Variants in DENND2B observed in about 807,000 individuals in gnomAD.
DENND2B encodes the protein DENN domain-containing protein 2B.
A neutral mutation model predicts 116.0 loss-of-function variants in DENND2B; 32 were observed. The observed-to-expected ratio is 0.28, with a 90% confidence interval of 0.21 to 0.37. The LOEUF is 0.37. Among genes scored for constraint, DENND2B ranks in the 10% least tolerant of loss-of-function variants. The probability of loss-of-function intolerance (pLI) is 1.00; values close to 1 mark genes in which losing one functional copy is unlikely to be tolerated. For synonymous variants in DENND2B, 588 were observed against 583.9 expected (o/e 1.01, Z -0.10); for missense variants, 1,276 against 1,477.7 (o/e 0.86, Z 2.24).
At chr11:8,899,707 T>A (rs1028175777) in intron 1 of DENND2B, among the ~76,000 whole-genome samples, 1 of 152,124 alleles carries the variant, frequency 6.6e-6, no homozygotes, top group African/African-American at 2.4e-5. Flanking sequence ...CTGAAGGAAG[T>A]TTTTCAGGCT....
intron 1 of DENND2B, among the ~76,000 whole-genome samples, chr11:8,759,455 A>T (rs537239912): frequency 3.3e-5 from 5 of 152,284 alleles, no homozygotes; most frequent in African/African-American, 1.2e-4. Context: ...CGAGGTAAGA[A>T]GTCAAGATGC....
chr11:8,759,426 C>T (rs1218952293), intron 1 of DENND2B, among the ~76,000 whole-genome samples: 1 of 152,152 alleles, frequency 6.6e-6, no homozygotes, highest in Non-Finnish European at 1.5e-5. Context: ...AAACATTGCC[C>T]AGCACTCTGC....
intron 1 of DENND2B, among the ~76,000 whole-genome samples, chr11:8,793,491 T>C (rs1480699432): frequency 6.6e-6 from 1 of 152,266 alleles, no homozygotes; most frequent in Non-Finnish European, 1.5e-5. Flanking sequence ...TTTCAAGGTT[T>C]ATCTACATTG....
At chr11:8,752,184 G>A (rs1490117133) in intron 1 of DENND2B, among the ~76,000 whole-genome samples, 1 of 152,228 alleles carries the variant, frequency 6.6e-6, no homozygotes, top group Non-Finnish European at 1.5e-5. Flanking sequence ...CGGGCGTGGT[G>A]GCTCACGCCT....
intron 2 of DENND2B, among the ~76,000 whole-genome samples, chr11:8,861,390 AAAG>A (rs1388162147): frequency 6.6e-6 from 1 of 152,230 alleles, no homozygotes; most frequent in Admixed American, 6.5e-5. Flanking sequence ...ACATTTCTGA[AAAG>A]AAGATATACA....
At chr11:8,754,029 G>GTGCGCACACACA (rs1555169750) in intron 1 of DENND2B, among the ~76,000 whole-genome samples, 1 of 138,734 alleles carries the variant, frequency 7.2e-6, no homozygotes, top group Non-Finnish European at 1.5e-5. Flanking sequence ...CCAAAAGCGC[G>GTGCGCACACACA]CACACACACA....
chr11:8,717,422 A>G (rs1044184563), intron 5 of DENND2B, among the ~76,000 whole-genome samples: 2 of 152,190 alleles, frequency 1.3e-5, no homozygotes, highest in African/African-American at 4.8e-5. Flanking sequence ...GGAGACTGCA[A>G]GGGCTCCTGG....
intron 5 of DENND2B, among the ~76,000 whole-genome samples, chr11:8,716,284 G>C (rs1050313451): frequency 6.6e-6 from 1 of 152,154 alleles, no homozygotes; most frequent in Admixed American, 6.5e-5. Flanking sequence ...CCTCCTAACT[G>C]CTCCCATGGA....
chr11:8,788,891 A>T (rs868254676), intron 1 of DENND2B, among the ~76,000 whole-genome samples: 6 of 152,044 alleles, frequency 3.9e-5, no homozygotes, highest in Admixed American at 2.6e-4. Flanking sequence ...CCTAGAGTAT[A>T]TCAGCCACCT....
chr11:8,909,546 C>T (rs2568027), intron 1 of DENND2B, among the ~76,000 whole-genome samples: 136,499 of 152,140 alleles, frequency 0.9, 63,056 homozygotes, highest in East Asian at 1. Flanking sequence ...CATGCACGTA[C>T]AACCACTATG....
chr11:8,881,783 G>A lies in DENND2B; in HGVS notation c.-255-674C>T, dbSNP rs1416778028. ...CTTGCACTTCTGACCTCAAGTGACC[G>A]ATCCACCCACCTCAGCCTCCCAAAG... On this transcript the variant is annotated intron_variant, in intron 1 of 22. Transcript: ENST00000534127. Among the ~76,000 whole-genome samples the A allele has an allele frequency of 5.9e-5, 9 of 152,220 alleles. No individual in the cohort carries two copies. In the South Asian group the frequency reaches 8.3e-4, roughly 14 times the overall value.
At chr11:8,854,116 C>T (rs2063113957) in intron 3 of DENND2B, among the ~76,000 whole-genome samples, 1 of 148,022 alleles carries the variant, frequency 6.8e-6, no homozygotes, top group South Asian at 2.1e-4. Context: ...ATCCTCCTGC[C>T]TTGGCCTCCC....
chr11:8,809,844 C>T (rs2061230191), intron 1 of DENND2B: 1 of 151,754 alleles, frequency 6.6e-6, no homozygotes, highest in African/African-American at 2.4e-5. Flanking sequence ...CCCCCCAACC[C>T]CAAGCCAGCC....
intron 1 of DENND2B, chr11:8,809,532 C>T (rs557402316): frequency 8.7e-4 from 133 of 152,292 alleles, no homozygotes; most frequent in African/African-American, 3.0e-3. Flanking sequence ...TCATCCTCCT[C>T]ATAATATTAC....
At chr11:8,870,648 G>A (rs916551777) in intron 2 of DENND2B, among the ~76,000 whole-genome samples, 49 of 152,002 alleles carry the variant, frequency 3.2e-4, no homozygotes, top group African/African-American at 1.2e-3. Context: ...GACGTCCCGA[G>A]ATCGGGTCTC....
At chr11:8,815,492 G>A (rs1034314658), upstream of DENND2B, among the ~76,000 whole-genome samples, 3 of 152,050 alleles carry the variant, frequency 2.0e-5, no homozygotes, top group South Asian at 2.1e-4. Flanking sequence ...CAACCACAGT[G>A]CACTGCCTGG....
intron 11 of DENND2B, chr11:8,708,341 G>C (rs1473220249): frequency 1.8e-5 from 18 of 985,294 alleles, no homozygotes; most frequent in Non-Finnish European, 2.0e-5. Context: ...CATTCTAAGA[G>C]AGCAAACTGA....
At chr11:8,695,266 A>C (rs2040157290) in intron 19 of DENND2B, among the ~76,000 whole-genome samples, 197 bp downstream of exon 19, 1 of 152,160 alleles carries the variant, frequency 6.6e-6, no homozygotes. Context: ...ACAGATATTG[A>C]AGGACCACTA....
At chr11:8,834,164 C>T (rs1237614201) in intron 4 of DENND2B, among the ~76,000 whole-genome samples, 1 of 152,188 alleles carries the variant, frequency 6.6e-6, no homozygotes, top group Non-Finnish European at 1.5e-5. Context: ...CCCACCCTCA[C>T]AGGAAATTTT....
Sources: allele counts gnomAD v4.1 joint callset (sites outside exome capture counted in the v4.1 genomes callset), GRCh38; gene constraint gnomAD v4.1.1; transcripts MANE v1.5; gene names NCBI Gene and HGNC (gene_info 2026-07-23, HGNC 2026-07-21).